The following MACF1 variants were observed in gnomAD, a reference collection of about 807,000 sequenced individuals.
The protein encoded by MACF1 is microtubule actin crosslinking factor 1, also known as microtubule-actin cross-linking factor 1.
A neutral mutation model predicts 854.8 loss-of-function variants in MACF1; 193 were observed. The ratio of observed to expected loss-of-function variants is 0.23; its 90% CI spans 0.20 to 0.25. The LOEUF is 0.25. MACF1 is among the 10% of genes least tolerant of loss of function. The pLI is 1.00. For missense variants in MACF1, 7,722 were observed against 8,929.1 expected, an observed-to-expected ratio of 0.86 and a Z score of 5.45; for synonymous variants, 3,185 against 3,226.7, an observed-to-expected ratio of 0.99 and a Z score of 0.44.
At chr1:39,365,073 CT>C (rs2148525902) in intron 49 of MACF1, among the ~76,000 whole-genome samples, 1 of 152,032 alleles carries the variant, frequency 6.6e-6, no homozygotes, top group South Asian at 2.1e-4. Flanking sequence ...GCTCCAAAAT[CT>C]GAAACTTTTT....
intron 2 of MACF1, among the ~76,000 whole-genome samples, chr1:39,139,349 C>A (rs1428944446): frequency 1.3e-5 from 2 of 151,188 alleles, no homozygotes; most frequent in African/African-American, 4.9e-5. Context: ...CTCTGCCTTC[C>A]AGGTTCAAGC....
At chr1:39,440,421 T>C (rs896928108) in intron 72 of MACF1, among the ~76,000 whole-genome samples, 12 of 152,144 alleles carry the variant, frequency 7.9e-5, no homozygotes, top group Admixed American at 5.9e-4. Flanking sequence ...GTCTCTTTTT[T>C]ACCAACAACA....
At chr1:39,134,186 G>C (rs1316538595) in intron 2 of MACF1, among the ~76,000 whole-genome samples, 1 of 148,642 alleles carries the variant, frequency 6.7e-6, no homozygotes. Context: ...GACTACAGGC[G>C]CCCGCCACCA....
In MACF1 at chr1:39,357,579, G is replaced by T. The variant is rs778958201; in HGVS notation, c.11629G>T (p.Asp3877Tyr). The change falls in exon 45 of 101, where the codon GAT (aspartate) becomes TAT (tyrosine). Residue 3877 changes from aspartate (D) to tyrosine (Y), a missense_variant. Asp to Tyr is a radical substitution (Grantham distance 160). Transcript: ENST00000564288. ...ACTGAAGCAGGTGCAGACACTTCAG[G>T]ATGAGTTGCAGAAATTTCTGCAGGA... Reference protein sequence around the residue: ...AELKQVQTLQDELQKFLQDHK... With the variant: ...AELKQVQTLQYELQKFLQDHK... The T allele has an allele frequency of 6.2e-7, 1 of 1,614,110 alleles. No homozygotes were observed. The highest frequency in any genetic ancestry group is 8.5e-7 in the Non-Finnish European group (1 of 1,180,000).
chr1:39,430,189 A>C lies in MACF1; in HGVS notation c.17130+121A>C, dbSNP rs554525930. ...TATGTGCCCCCTTTCTTGTTTACTC[A>C]TGGACAGTAAGATTTGACATAAAGA... On this transcript the variant is annotated intron_variant, in intron 65 of 100. Coordinates refer to ENST00000564288, the MANE Select transcript of MACF1 (RefSeq NM_001394062.1). 27 of 1,059,112 alleles carry C rather than the reference A, an allele frequency of 2.5e-5. No homozygotes were observed. The African/African-American group carries it at 2.7e-4, about 11-fold the overall frequency. 65.6% of individuals were successfully genotyped at this position (1,059,112 alleles called of 1,614,324 possible). A position where few individuals can be genotyped will look rare whatever the true frequency, so the allele number is the denominator to read the frequency against.
chr1:39,134,326 A>G (rs577597245), intron 2 of MACF1, among the ~76,000 whole-genome samples: 8 of 152,132 alleles, frequency 5.3e-5, no homozygotes, highest in Admixed American at 5.2e-4. Context: ...GATTACAGGC[A>G]TGAGCTACCG....
At chr1:39,227,546 A>G (rs1286328480) in intron 1 of MACF1, among the ~76,000 whole-genome samples, 1 of 152,188 alleles carries the variant, frequency 6.6e-6, no homozygotes, top group Non-Finnish European at 1.5e-5. Flanking sequence ...GAGGACACAG[A>G]GACTGTTGAG....
chr1:39,089,044 C>T (rs1641743105), intron 2 of MACF1, among the ~76,000 whole-genome samples: 1 of 152,154 alleles, frequency 6.6e-6, no homozygotes, highest in South Asian at 2.1e-4. Flanking sequence ...AAGATGTGGT[C>T]CCTTCTGCAT....
intron 5 of MACF1, chr1:39,254,682 A>C: frequency 3.2e-6 from 1 of 311,228 alleles, no homozygotes; most frequent in South Asian, 5.4e-5. Flanking sequence ...ACTAGAAAAG[A>C]GATGGAAAAA....
intron 6 of MACF1, among the ~76,000 whole-genome samples, chr1:39,269,963 A>G (rs1290815008): frequency 9.9e-5 from 15 of 152,222 alleles, no homozygotes. Context: ...GTAATTGCTC[A>G]AGCTATCTGG....
intron 22 of MACF1, 131 bp from the exon 23 acceptor site, chr1:39,302,793 A>G (rs1295407036): frequency 1.2e-6 from 1 of 801,680 alleles, no homozygotes; most frequent in South Asian, 2.1e-5. Flanking sequence ...AGAAGCCCTC[A>G]CTAAGTGATA....
In MACF1 at chr1:39,335,434, CAT is replaced by C; in HGVS notation, c.8849_8850del (p.Tyr2950LeufsTer2). ...GAAGTGATTTTGGAAGTACAAGAAA[CAT>C]ATTGTGAAACGTCAGGCAAATTGCC... On this transcript the variant is annotated frameshift_variant, in exon 37 of 101. Transcript: ENST00000564288. LOFTEE classifies it high-confidence loss of function. The C allele has an allele frequency of 1.2e-6, 2 of 1,614,120 alleles. No individual in the cohort carries two copies. The highest frequency in any genetic ancestry group is 1.7e-6 in the Non-Finnish European group (2 of 1,180,010).
rs1181365126 is a variant in MACF1, at chr1:39,485,930, T to G, written c.*136T>G. The G allele has an allele frequency of 9.5e-7, 1 of 1,057,990 alleles. No homozygotes were observed. Among genetic ancestry groups the G allele is most frequent in the East Asian group, 3.1e-5 (1 of 31,770 alleles). The allele number at this position is 1,057,990 out of a possible 1,614,324, so 65.5% of individuals were successfully genotyped here. A position where few individuals can be genotyped will look rare whatever the true frequency, so the allele number is the denominator to read the frequency against. On this transcript the variant is annotated 3_prime_UTR_variant, in exon 101 of 101. Coordinates refer to ENST00000564288, the MANE Select transcript of MACF1 (RefSeq NM_001394062.1). ...ATTGTGTTATGAAGCTGCCTTATTT[T>G]TTTTCTTTTTGTAAGTTACTATTTT... is the stretch of plus-strand genomic sequence containing the variant.
chr1:39,139,661 C>T (rs548721360), intron 2 of MACF1, among the ~76,000 whole-genome samples: 2 of 151,992 alleles, frequency 1.3e-5, no homozygotes, highest in African/African-American at 4.8e-5. Flanking sequence ...ATATTTGGTC[C>T]TTACATATCC....
At chr1:39,443,683 T>G (rs1437271177) in intron 79 of MACF1, 109 bp downstream of exon 79, 1 of 1,234,474 alleles carries the variant, frequency 8.1e-7, no homozygotes, top group Non-Finnish European at 1.1e-6. Context: ...AGTAGTGCAT[T>G]TTTATCAAAC....
At chr1:39,229,760 T>C (rs1201440400) in intron 1 of MACF1, among the ~76,000 whole-genome samples, 3 of 152,118 alleles carry the variant, frequency 2.0e-5, no homozygotes, top group Non-Finnish European at 4.4e-5. Context: ...TTTATGAGAT[T>C]GTGTCTTACT....
intron 58 of MACF1, chr1:39,413,850 C>A (rs781002354): frequency 1.2e-6 from 2 of 1,610,354 alleles, no homozygotes; most frequent in Non-Finnish European, 1.7e-6. Flanking sequence ...TGGAGGAACC[C>A]ACTTCCCCGG....
intron 2 of MACF1, chr1:39,103,143 T>C (rs1011526284): frequency 4.5e-6 from 2 of 444,662 alleles, no homozygotes; most frequent in Non-Finnish European, 8.3e-6. Context: ...TGTGTGTTTC[T>C]TAAAAGGAAT....
intron 1 of MACF1, among the ~76,000 whole-genome samples, chr1:39,219,148 C>T (rs1169876277): frequency 2.0e-5 from 3 of 152,236 alleles, no homozygotes; most frequent in Non-Finnish European, 2.9e-5. Context: ...AACCCCAAAT[C>T]TCAATCCTCA....
Sources: gnomAD v4.1 joint callset for allele counts (sites outside exome capture counted in the v4.1 genomes callset) on GRCh38, gnomAD v4.1.1 for gene constraint, MANE v1.5 for transcripts, NCBI Gene and HGNC (gene_info 2026-07-23, HGNC 2026-07-21) for gene names.